Variants in CCDC88A observed in about 807,000 individuals in gnomAD.
CCDC88A encodes the protein coiled-coil and HOOK domain protein 88A.
In CCDC88A, 54 loss-of-function variants were observed where a neutral mutation model predicts 234.3. That is an observed-to-expected ratio of 0.23 (90% CI 0.19 to 0.29). CCDC88A has a LOEUF of 0.29. Among genes scored for constraint, CCDC88A ranks in the 10% least tolerant of loss-of-function variants. CCDC88A has a pLI of 1.00. For synonymous variants in CCDC88A, 753 were observed against 737.8 expected, an observed-to-expected ratio of 1.02 and a Z score of -0.33; for missense variants, 1,832 against 2,123.4, an observed-to-expected ratio of 0.86 and a Z score of 2.70.
intron 2 of CCDC88A, among the ~76,000 whole-genome samples, chr2:55,416,659 T>G (rs1002106940): frequency 1.2e-4 from 18 of 151,208 alleles, no homozygotes; most frequent in Admixed American, 1.2e-3. Context: ...CTAAATGTAC[T>G]GTAGAAATTA....
Position 55,334,109 on chromosome 2 carries a change from C to A in CCDC88A, c.2712G>T (p.Leu904Phe). The A allele has an allele frequency of 7.7e-7, 1 of 1,305,228 alleles. No individual in the cohort carries two copies. The highest frequency in any genetic ancestry group is 3.1e-5 in the South Asian group (1 of 32,202). 80.9% of individuals were successfully genotyped at this position (1,305,228 alleles called of 1,614,324 possible). ...VKRATIDIKT[L>F]VTLREDLVSE... is the part of the protein sequence containing the mutation. Reference sequence around the variant, plus strand: ...ACATATTTACCTCACGTAGTGTAACCAACGTTTTTATATCAATAGTTGCTC... The same window carrying A: ...ACATATTTACCTCACGTAGTGTAACAAACGTTTTTATATCAATAGTTGCTC... Residue 904 changes from leucine to phenylalanine, a missense_variant, in exon 15 of 33, where the codon TTG becomes TTT. Physicochemically the swap from Leu to Phe is conservative, Grantham distance 22. Around this residue, in one of 6 missense-constraint regions of CCDC88A, gnomAD observed 1,282 missense variants for 1,543.6 expected, o/e 0.83. Coordinates refer to ENST00000436346, the MANE Select transcript of CCDC88A (RefSeq NM_001365480.1). This position sits in a 1 kb window ranked among gnomAD's most constrained non-coding sequence, Gnocchi z 6.1.
intron 16 of CCDC88A, among the ~76,000 whole-genome samples, chr2:55,330,712 G>A (rs1684814785): frequency 6.6e-6 from 1 of 152,052 alleles, no homozygotes. Context: ...TTATCTCCAT[G>A]CCTAATTCAT....
chr2:55,383,073 GAA>G (rs10544955), intron 3 of CCDC88A, among the ~76,000 whole-genome samples: 122,115 of 145,082 alleles, frequency 0.84, 51,135 homozygotes, highest in Non-Finnish European at 0.89. Flanking sequence ...TCATAAAAAT[GAA>G]AAAAAAAAAA....
intron 5 of CCDC88A, among the ~76,000 whole-genome samples, chr2:55,365,527 T>C (rs748469084): frequency 6.6e-6 from 1 of 152,128 alleles, no homozygotes; most frequent in Non-Finnish European, 1.5e-5. Flanking sequence ...TAAATAGATA[T>C]ACTTCCCTTT....
At position 55,334,120 on chromosome 2, in the gene CCDC88A, T is replaced by C. The variant is rs1009420807; in HGVS notation, c.2701A>G (p.Ile901Val). ...TCACGTAGTGTAACCAACGTTTTTATATCAATAGTTGCTCTTTTCACAAGC... is the reference window on the plus strand; with the variant it reads ...TCACGTAGTGTAACCAACGTTTTTACATCAATAGTTGCTCTTTTCACAAGC... The part of the protein sequence containing the change: ...KELVKRATID[I>V]KTLVTLREDL... Residue 901 changes from isoleucine to valine, a missense_variant, in exon 15 of 33, where the codon ATA becomes GTA. This residue lies in a region of CCDC88A where 1,282 missense variants were observed against 1,543.6 expected (regional missense o/e 0.83). Coordinates refer to ENST00000436346, the MANE Select transcript of CCDC88A (RefSeq NM_001365480.1). The surrounding 1 kb of genome is among the most constrained non-coding windows in gnomAD (Gnocchi z 6.1). The C allele has an allele frequency of 1.5e-6, 2 of 1,319,596 alleles. No individual in the cohort carries two copies. Among genetic ancestry groups the C allele is most frequent in the Non-Finnish European group, 2.0e-6 (2 of 1,025,284 alleles). The allele number at this position is 1,319,596 out of a possible 1,614,324, so 81.7% of individuals were successfully genotyped here. A position where few individuals can be genotyped will look rare whatever the true frequency, so the allele number is the denominator to read the frequency against.
At chr2:55,390,899 G>A (rs955026583) in intron 2 of CCDC88A, among the ~76,000 whole-genome samples, 1 of 152,056 alleles carries the variant, frequency 6.6e-6, no homozygotes, top group Admixed American at 6.5e-5. Flanking sequence ...CAGGACTTTG[G>A]GAAGCTAAAA....
intron 27 of CCDC88A, 82 bp from the exon 28 acceptor site, chr2:55,301,359 A>G (rs1680876919): frequency 2.7e-6 from 2 of 732,516 alleles, no homozygotes; most frequent in East Asian, 5.7e-5. Flanking sequence ...AGAATATGGA[A>G]ATTGTTTTTC....
intron 17 of CCDC88A, among the ~76,000 whole-genome samples, chr2:55,325,105 C>A (rs1684102398): frequency 6.6e-6 from 1 of 152,142 alleles, no homozygotes; most frequent in African/African-American, 2.4e-5. Flanking sequence ...CGTTAATCTG[C>A]CTGTTGGGAT....
At chr2:55,413,141 G>C (rs2104993147) in intron 2 of CCDC88A, among the ~76,000 whole-genome samples, 1 of 152,280 alleles carries the variant, frequency 6.6e-6, no homozygotes, top group East Asian at 1.9e-4. Context: ...CTAGGAGTTT[G>C]AGGTTGCAGT....
chr2:55,308,554 G>C, intron 25 of CCDC88A: 1 of 399,528 alleles, frequency 2.5e-6, no homozygotes, highest in Non-Finnish European at 4.5e-6. Context: ...AAGTGGCAGA[G>C]GTATTCCAGC....
At chr2:55,346,355 T>C in intron 9 of CCDC88A, 22 bp from the exon 10 acceptor site, 3 of 1,364,656 alleles carry the variant, frequency 2.2e-6, no homozygotes, top group Non-Finnish European at 3.0e-6. Flanking sequence ...TTTAAAATTA[T>C]ATTTTAATTA....
intron 4 of CCDC88A, among the ~76,000 whole-genome samples, chr2:55,374,010 T>C (rs1029241469): frequency 3.3e-5 from 5 of 152,156 alleles, no homozygotes; most frequent in Non-Finnish European, 5.9e-5. Context: ...GCAGAACATT[T>C]TGAAGAAAAA....
At chr2:55,337,057 A>T in intron 13 of CCDC88A, 1 of 334,620 alleles carries the variant, frequency 3.0e-6, no homozygotes, top group South Asian at 5.3e-5. Flanking sequence ...CACTTTCTAA[A>T]CACAAAGACA....
chr2:55,331,542 A>G (rs1214997966), intron 16 of CCDC88A, among the ~76,000 whole-genome samples: 1 of 152,214 alleles, frequency 6.6e-6, no homozygotes, highest in Non-Finnish European at 1.5e-5. Context: ...AATATAAATT[A>G]TATAATTACA....
chr2:55,378,973 T>C lies in CCDC88A; in HGVS notation c.274-4090A>G, dbSNP rs1674150247. Among the ~76,000 whole-genome samples, 11 of 152,274 alleles carry C rather than the reference T, an allele frequency of 7.2e-5. No individual in the cohort carries two copies. In the South Asian group the frequency reaches 2.3e-3, roughly 32 times the overall value. ...GTTGGCCAGGCTGGTCTCAAACTCC[T>C]GACACTGAGTGATCCACTCACCTTG... On this transcript the variant is annotated intron_variant, in intron 3 of 32. Coordinates refer to ENST00000436346, the MANE Select transcript of CCDC88A (RefSeq NM_001365480.1).
intron 3 of CCDC88A, among the ~76,000 whole-genome samples, chr2:55,379,343 TG>T (rs1194636534): frequency 6.6e-6 from 1 of 152,144 alleles, no homozygotes; most frequent in African/African-American, 2.4e-5. Context: ...TATAAACTAA[TG>T]AAGATACTTC....
At chr2:55,339,889 T>A in intron 12 of CCDC88A, 1 of 338,740 alleles carries the variant, frequency 3.0e-6, no homozygotes, top group South Asian at 6.2e-5. Context: ...TGGAGTGCAG[T>A]GATGTGCTCC....
chr2:55,301,545 C>G (rs1680901561), intron 27 of CCDC88A: 1 of 508,134 alleles, frequency 2.0e-6, no homozygotes. Context: ...CTGGGTTGTT[C>G]TAGGTAGTTC....
At chr2:55,316,193 A>G in intron 21 of CCDC88A, 79 bp from the exon 22 acceptor site, 1 of 537,428 alleles carries the variant, frequency 1.9e-6, no homozygotes. Context: ...GAAATGATAT[A>G]AATAACATTA....
Sources: allele counts gnomAD v4.1 joint callset (sites outside exome capture counted in the v4.1 genomes callset), GRCh38; gene constraint gnomAD v4.1.1; regional missense constraint gnomAD v4.1.1; non-coding constraint Gnocchi (gnomAD v3.1); transcripts MANE v1.5; gene names NCBI Gene and HGNC (gene_info 2026-07-23, HGNC 2026-07-21).